Variants in AMMECR1 observed in about 807,000 individuals in gnomAD.
AMMECR1 encodes the protein nuclear protein AMMECR1.
AMMECR1 carries 3 observed loss-of-function variants against 22.5 expected under a neutral mutation model. That is an observed-to-expected ratio of 0.13 (90% CI 0.06 to 0.35). The LOEUF (loss-of-function observed/expected upper bound fraction) is 0.35, where lower values mean the gene tolerates loss of function less well. Ranked by LOEUF, AMMECR1 falls within the 10% of genes least tolerant of loss-of-function variation. The pLI is 1.00. For synonymous variants in AMMECR1, 130 were observed against 116.7 expected (o/e 1.11, Z -0.74); for missense variants, 235 against 278.7 (o/e 0.84, Z 1.12).
intron 2 of AMMECR1, among the ~76,000 whole-genome samples, chrX:110,343,884 G>A (rs1418497709): frequency 9.0e-6 from 1 of 111,592 alleles, no homozygotes; most frequent in Admixed American, 9.5e-5. Context: ...CTCATGGGTA[G>A]GAAGAATCAA....
At chrX:110,332,816 A>T (rs1278387488) in intron 2 of AMMECR1, among the ~76,000 whole-genome samples, 1 of 111,463 alleles carries the variant, frequency 9.0e-6, no homozygotes, top group Non-Finnish European at 1.9e-5. Flanking sequence ...TCTGACATAG[A>T]AGTTGAGCTT....
rs765375697 is a variant in AMMECR1 at position 110,302,600 on chromosome X, C to T, written c.473+14999G>A. ...GAGGAGAATTTTCCTAGGCCAGGCGCGGTGACTCACGACTGTAATCCCAGC... is the reference window on the plus strand; with the variant it reads ...GAGGAGAATTTTCCTAGGCCAGGCGTGGTGACTCACGACTGTAATCCCAGC... On this transcript the variant is annotated intron_variant, in intron 1 of 5. Coordinates refer to ENST00000262844, the MANE Select transcript of AMMECR1 (RefSeq NM_015365.3). Among the ~76,000 whole-genome samples the T allele has an allele frequency of 1.5e-4, 17 of 111,474 alleles. 1 individual carries two copies. Among genetic ancestry groups the T allele is most frequent in the Admixed American group, 5.7e-4 (6 of 10,523 alleles).
intron 1 of AMMECR1, among the ~76,000 whole-genome samples, chrX:110,269,339 T>C (rs2067786338): frequency 8.9e-6 from 1 of 111,911 alleles, no homozygotes; most frequent in South Asian, 3.8e-4. Context: ...CTATCTCTCC[T>C]GCCATATCAA....
intron 2 of AMMECR1, among the ~76,000 whole-genome samples, chrX:110,382,128 C>T (rs1288922574): frequency 1.8e-5 from 2 of 111,941 alleles, no homozygotes; most frequent in Non-Finnish European, 3.8e-5. Context: ...TCACTCCAGG[C>T]CTATGCTTTG....
chrX:110,407,384 G>T (rs761150924), intron 2 of AMMECR1, among the ~76,000 whole-genome samples: 1 of 112,127 alleles, frequency 8.9e-6, no homozygotes, highest in African/African-American at 3.3e-5. Flanking sequence ...TGGTCTAGAA[G>T]ATACAGTGCA....
chrX:110,315,923 C>A (rs1163379818), intron 1 of AMMECR1, among the ~76,000 whole-genome samples: 3 of 112,473 alleles, frequency 2.7e-5, no homozygotes, highest in Non-Finnish European at 5.6e-5. Context: ...ATTTATTTTA[C>A]ATGGCAGTCT....
At chrX:110,374,896 C>T (rs1296334051) in intron 2 of AMMECR1, among the ~76,000 whole-genome samples, 3 of 111,031 alleles carry the variant, frequency 2.7e-5, no homozygotes, top group East Asian at 2.8e-4. Context: ...GGGAGAGTGT[C>T]TGCATATGAT....
intron 1 of AMMECR1, among the ~76,000 whole-genome samples, chrX:110,280,590 A>G (rs138664431): frequency 7.5e-4 from 84 of 111,739 alleles, no homozygotes; most frequent in African/African-American, 2.7e-3. Flanking sequence ...AATTCAATAC[A>G]TGTTCACTAT....
At chrX:110,339,889 AAAAC>A (rs1214796781) in intron 2 of AMMECR1, among the ~76,000 whole-genome samples, 11 of 110,867 alleles carry the variant, frequency 9.9e-5, no homozygotes, top group African/African-American at 3.3e-4. Flanking sequence ...TTTGAGTGAC[AAAAC>A]AAACAAAAGA....
intron 2 of AMMECR1, among the ~76,000 whole-genome samples, chrX:110,349,504 C>A (rs1214627669): frequency 1.8e-5 from 2 of 111,428 alleles, no homozygotes; most frequent in Non-Finnish European, 3.8e-5. Context: ...TTGAGGCAAA[C>A]AAAGTTCAGT....
At chrX:110,218,851 T>C (rs1352051044) in intron 2 of AMMECR1, among the ~76,000 whole-genome samples, 5 of 111,615 alleles carry the variant, frequency 4.5e-5, no homozygotes, top group Non-Finnish European at 1.9e-5. Context: ...TTTGTTTCTA[T>C]GGATTTGCCT....
At chrX:110,399,948 T>G (rs1326530827) in intron 2 of AMMECR1, among the ~76,000 whole-genome samples, 1 of 111,715 alleles carries the variant, frequency 9.0e-6, no homozygotes, top group Non-Finnish European at 1.9e-5. Flanking sequence ...TACAACATTT[T>G]AAAGAAATTG....
chrX:110,422,802 C>G (rs918076551), intron 2 of AMMECR1, among the ~76,000 whole-genome samples: 1 of 111,597 alleles, frequency 9.0e-6, no homozygotes, highest in African/African-American at 3.3e-5. Context: ...GAGATCTTCC[C>G]CAAACTCACC....
rs751973198 is a variant in AMMECR1, at chrX:110,414,308, C to T, written c.-148+12350G>A. On this transcript the variant is annotated intron_variant, in intron 2 of 7. Transcript: ENST00000372057. ...CTGTCCTGACAATAGCACTTGCAAA[C>T]TTTCTCCACTGCCCTCTGGAGTCAG... Among the ~76,000 whole-genome samples the T allele has an allele frequency of 1.1e-4, 12 of 112,532 alleles. No homozygotes were observed. The East Asian group carries it at 3.3e-3, about 31-fold the overall frequency.
intron 2 of AMMECR1, chrX:110,347,055 C>T (rs958091214): frequency 4.7e-6 from 2 of 424,054 alleles, no homozygotes; most frequent in Non-Finnish European, 8.5e-6. Context: ...AACTTTATAG[C>T]AGGCAATGTG....
chrX:110,274,904 G>A (rs745927541), intron 1 of AMMECR1, among the ~76,000 whole-genome samples: 3 of 110,723 alleles, frequency 2.7e-5, no homozygotes, highest in African/African-American at 6.6e-5. Flanking sequence ...AGGTTGTATC[G>A]ATGCATCTTT....
intron 2 of AMMECR1, among the ~76,000 whole-genome samples, chrX:110,332,230 T>C (rs1380617387): frequency 1.8e-5 from 2 of 111,972 alleles, no homozygotes. Context: ...TGAAGTAATT[T>C]TTTTCATATT....
intron 3 of AMMECR1, among the ~76,000 whole-genome samples, chrX:110,209,968 G>C (rs1201071764): frequency 9.0e-6 from 1 of 110,777 alleles, no homozygotes; most frequent in East Asian, 2.8e-4. Flanking sequence ...GGAATTCTGG[G>C]GAAGCAGCAG....
chrX:110,361,728 C>T (rs1038886232), intron 2 of AMMECR1, among the ~76,000 whole-genome samples: 3 of 112,388 alleles, frequency 2.7e-5, no homozygotes, highest in Non-Finnish European at 5.6e-5. Flanking sequence ...ACTTTGAATA[C>T]TAGCAGATGT....
Sources: gnomAD v4.1 joint callset for allele counts (sites outside exome capture counted in the v4.1 genomes callset) on GRCh38, gnomAD v4.1.1 for gene constraint, MANE v1.5 for transcripts, NCBI Gene and HGNC (gene_info 2026-07-23, HGNC 2026-07-21) for gene names.